AQP7: variants seen among roughly 807,000 people sequenced by gnomAD.
AQP7 encodes the protein aquaporin 7, also known as aquaporin-7.
A neutral mutation model predicts 26.1 loss-of-function variants in AQP7; 22 were observed. The ratio of observed to expected loss-of-function variants is 0.84; its 90% confidence interval spans 0.60 to 1.20. The LOEUF (loss-of-function observed/expected upper bound fraction) is 1.20. AQP7 is among the 50% of genes most tolerant of loss of function. The probability of loss-of-function intolerance (pLI) is 0.00; values close to 1 mark genes in which losing one functional copy is unlikely to be tolerated. For missense variants in AQP7, 412 were observed against 457.5 expected, an observed-to-expected ratio of 0.90 and a Z score of 0.91; for synonymous variants, 167 against 181.7, an observed-to-expected ratio of 0.92 and a Z score of 0.65.
intron 2 of AQP7, among the ~76,000 whole-genome samples, chr9:33,397,949 A>T (rs1409097579): frequency 6.6e-6 from 1 of 152,212 alleles, no homozygotes; most frequent in Non-Finnish European, 1.5e-5. Flanking sequence ...GAATGTTCAG[A>T]CACTGCAGTA....
Position 33,384,721 on chromosome 9 carries a change from C to T in AQP7, c.*284G>A, listed in dbSNP as rs1564164136. ...TCCCCAAAACCACCCTTCCTTCCCC[C>T]GTGCCTGAAAATCCCTCATTCTGTC... On this transcript the variant is annotated 3_prime_UTR_variant, in exon 8 of 8. Coordinates refer to ENST00000297988, the MANE Select transcript of AQP7 (RefSeq NM_001170.3). 1 of 322,094 alleles carries T rather than the reference C, an allele frequency of 3.1e-6. No homozygotes were observed. The highest frequency in any genetic ancestry group is 7.6e-5 in the South Asian group (1 of 13,144). The allele number at this position is 322,094 out of a possible 1,614,324, so 20.0% of individuals were successfully genotyped here.
At chr9:33,387,344 A>T (rs1381025822) in intron 3 of AQP7, among the ~76,000 whole-genome samples, 2 of 152,036 alleles carry the variant, frequency 1.3e-5, no homozygotes, top group Non-Finnish European at 1.5e-5. Context: ...CTCTTACGAC[A>T]AACATCCAAG....
In AQP7 at chr9:33,385,812, TCTC is replaced by T; in HGVS notation, c.577_579del (p.Glu193del). The T allele has an allele frequency of 6.2e-7, 1 of 1,612,782 alleles. No individual in the cohort carries two copies. The highest frequency in any genetic ancestry group is 8.5e-7 in the Non-Finnish European group (1 of 1,179,874). ...TCTGTTCCTGGCAGTGCTGGGTTGTTCTCCTGGTCCGTGATGGCGAAGAGACAC... is the reference window on the plus strand; with the variant it reads ...TCTGTTCCTGGCAGTGCTGGGTTGTTCTGGTCCGTGATGGCGAAGAGACAC... On this transcript the variant is annotated inframe_deletion, in exon 7 of 8. Transcript: ENST00000297988.
In AQP7 at chr9:33,385,762, C is replaced by T. The variant is rs1388698504; in HGVS notation, c.630G>A (p.Val210=). The change falls in exon 7 of 8, where the codon GTG becomes GTA. Residue 210 remains valine (V), a synonymous_variant. Transcript: ENST00000297988. ...GTEALVIGIL[V]VIIGVSLGMN... is the part of the protein sequence containing the mutation. The stretch of plus-strand genomic sequence containing the variant: ...TGCCAAGGGACACCCCGATGATGAC[C>T]ACGAGGATGCCTATCACCAGCGCCT... The T allele has an allele frequency of 6.2e-7, 1 of 1,613,710 alleles. No individual in the cohort carries two copies. Among genetic ancestry groups the T allele is most frequent in the Admixed American group, 1.7e-5 (1 of 60,024 alleles).
chr9:33,386,273 A>C, intron 5 of AQP7, 78 bp from the exon 6 acceptor site: 2 of 1,604,496 alleles, frequency 1.2e-6, no homozygotes, highest in Non-Finnish European at 1.7e-6. Flanking sequence ...GTTATAGGTT[A>C]GAGGGTGGGG....
chr9:33,397,104 A>G (rs542380276), intron 2 of AQP7, among the ~76,000 whole-genome samples: 124 of 151,084 alleles, frequency 8.2e-4, no homozygotes, highest in African/African-American at 2.7e-3. Flanking sequence ...CTGTCTCAAA[A>G]AAAAAAAAAA....
At chr9:33,400,730 G>A (rs1418049611) in intron 2 of AQP7, among the ~76,000 whole-genome samples, 14 of 152,026 alleles carry the variant, frequency 9.2e-5, no homozygotes, top group African/African-American at 3.4e-4. Flanking sequence ...GCTTGAACCC[G>A]GGAGGAGGAG....
At chr9:33,397,743 T>G (rs544522730) in intron 2 of AQP7, among the ~76,000 whole-genome samples, 2 of 150,446 alleles carry the variant, frequency 1.3e-5, no homozygotes, top group East Asian at 4.1e-4. Context: ...CTGGCCCCCA[T>G]CCAACCCCAG....
chr9:33,395,168 G>C lies in AQP7; in HGVS notation c.54C>G (p.Ser18=). The part of the protein sequence containing the change: ...RRSTRGSKMV[S]WSVIAKIQEI... ...CCTGGATCTTTGCTATCACGGACCAGGAGACCATTTTGGAGCCACGGGTGG... is the reference window on the plus strand; with the variant it reads ...CCTGGATCTTTGCTATCACGGACCACGAGACCATTTTGGAGCCACGGGTGG... The change falls in exon 3 of 8, where the codon TCC becomes TCG. Residue 18 remains serine, a synonymous_variant. Coordinates refer to ENST00000297988, the MANE Select transcript of AQP7 (RefSeq NM_001170.3). 3.1e-6 allele frequency: 5 copies of C among 1,613,960 alleles called. No individual in the cohort carries two copies. The highest frequency in any genetic ancestry group is 4.2e-6 in the Non-Finnish European group (5 of 1,179,858).
At chr9:33,386,619 GC>G (rs1407680486) in intron 4 of AQP7, 78 bp from the exon 5 acceptor site, 1 of 1,514,360 alleles carries the variant, frequency 6.6e-7, no homozygotes. Context: ...AACAACGATG[GC>G]TAGTGTGTAT....
At chr9:33,398,164 C>G (rs1271645489) in intron 2 of AQP7, among the ~76,000 whole-genome samples, 1 of 151,416 alleles carries the variant, frequency 6.6e-6, no homozygotes, top group East Asian at 1.9e-4. Flanking sequence ...AAAGGAGCCT[C>G]CAGGGAGGCA....
rs573833747 is a variant in AQP7, at chr9:33,392,022, T to A, written c.144+3056A>T. On this transcript the variant is annotated intron_variant, in intron 3 of 7. Coordinates refer to ENST00000297988, the MANE Select transcript of AQP7 (RefSeq NM_001170.3). Reference sequence around the variant, plus strand: ...GAGCATAGAGGTTAACGGTCAAGACTGTGATACTGGGCCGGGCACGGTGAC... The same window carrying A: ...GAGCATAGAGGTTAACGGTCAAGACAGTGATACTGGGCCGGGCACGGTGAC... Among the ~76,000 whole-genome samples the A allele has an allele frequency of 2.0e-3, 309 of 152,266 alleles. 2 individuals are homozygous for A. The highest frequency in any genetic ancestry group is 7.7e-4 in the East Asian group (4 of 5,178).
chr9:33,392,892 T>C (rs1053616837), intron 3 of AQP7, among the ~76,000 whole-genome samples: 17 of 152,154 alleles, frequency 1.1e-4, no homozygotes, highest in African/African-American at 4.1e-4. Context: ...TTCACACAAG[T>C]CCTCCAGTTT....
intron 2 of AQP7, among the ~76,000 whole-genome samples, chr9:33,398,608 G>T (rs4879696): frequency 6.6e-6 from 1 of 152,138 alleles, no homozygotes; most frequent in African/African-American, 2.4e-5. Flanking sequence ...GCTAGGGCAG[G>T]TCCTGACTAG....
At chr9:33,386,371 G>A in intron 5 of AQP7, 33 bp downstream of exon 5, 1 of 1,609,566 alleles carries the variant, frequency 6.2e-7, no homozygotes. Context: ...AGGCGGCTGA[G>A]GCCAGAGGCG....
intron 3 of AQP7, among the ~76,000 whole-genome samples, chr9:33,390,027 C>CAAAA (rs778333672): frequency 1.3e-4 from 10 of 78,606 alleles, no homozygotes; most frequent in East Asian, 4.8e-4. Context: ...GACTCCGTCT[C>CAAAA]AAAAAAAAAA....
chr9:33,384,816 C>A lies in AQP7; in HGVS notation c.*189G>T. On this transcript the variant is annotated 3_prime_UTR_variant, in exon 8 of 8. Transcript: ENST00000297988. ...CTTCCCCATTCTCCCCCTGGGGCAC[C>A]CCAGTTCCCAGGGCATGAAAGACTT... The A allele has an allele frequency of 4.5e-6, 3 of 660,010 alleles. No individual in the cohort carries two copies. The South Asian group carries it at 6.5e-5, about 14-fold the overall frequency. The allele number at this position is 660,010 out of a possible 1,614,324, so 40.9% of individuals were successfully genotyped here.
At chr9:33,387,185 C>A (rs1206049489) in intron 3 of AQP7, 93 bp from the exon 4 acceptor site, 12 of 1,395,932 alleles carry the variant, frequency 8.6e-6, no homozygotes, top group Middle Eastern at 2.6e-4. Flanking sequence ...CACCCCCATG[C>A]CCTGGGCCTC....
At chr9:33,400,184 C>G (rs960988773) in intron 2 of AQP7, among the ~76,000 whole-genome samples, 5 of 152,048 alleles carry the variant, frequency 3.3e-5, no homozygotes, top group Admixed American at 6.6e-5. Context: ...GTACAACAGG[C>G]AAATATCCCT....
Sources: allele counts gnomAD v4.1 joint callset (sites outside exome capture counted in the v4.1 genomes callset), GRCh38; gene constraint gnomAD v4.1.1; transcripts MANE v1.5; gene names NCBI Gene and HGNC (gene_info 2026-07-23, HGNC 2026-07-21).